NRG1: variants seen among roughly 807,000 people sequenced by gnomAD.
NRG1 encodes pro-neuregulin-1, membrane-bound isoform.
Under a neutral mutation model 63.8 loss-of-function variants are expected in NRG1, and 18 were observed. The observed-to-expected ratio is 0.28, with a 90% CI of 0.19 to 0.42. The LOEUF is 0.42. Ranked by LOEUF, NRG1 falls within the 10% of genes least tolerant of loss-of-function variation. The probability of loss-of-function intolerance (pLI) is 1.00; values close to 1 mark genes in which losing one functional copy is unlikely to be tolerated. For synonymous variants in NRG1, 302 were observed against 301.3 expected (o/e 1.00, Z -0.02); for missense variants, 762 against 814.7 (o/e 0.94, Z 0.79).
intron 1 of NRG1, among the ~76,000 whole-genome samples, chr8:32,082,526 G>GA: frequency 6.6e-6 from 1 of 152,158 alleles, no homozygotes; most frequent in East Asian, 1.9e-4. Context: ...TTCTTGCCAT[G>GA]AAAAACAACA....
intron 1 of NRG1, among the ~76,000 whole-genome samples, chr8:32,550,123 CAG>C (rs1044489444): frequency 2.0e-5 from 3 of 152,158 alleles, no homozygotes; most frequent in Non-Finnish European, 4.4e-5. Flanking sequence ...TTGAGCAAAA[CAG>C]AAATTGAACA....
At chr8:32,561,289 T>C (rs1364290783) in intron 1 of NRG1, among the ~76,000 whole-genome samples, 1 of 152,238 alleles carries the variant, frequency 6.6e-6, no homozygotes, top group African/African-American at 2.4e-5. Flanking sequence ...CATTGAGGAA[T>C]AGCTTAGAGT....
At chr8:32,537,154 C>A (rs1832071272) in intron 1 of NRG1, among the ~76,000 whole-genome samples, 1 of 124,326 alleles carries the variant, frequency 8.0e-6, no homozygotes. Context: ...CCAGATCGCG[C>A]CACTGCATTC....
intron 1 of NRG1, among the ~76,000 whole-genome samples, chr8:32,331,690 A>G (rs1183683469): frequency 6.6e-6 from 1 of 152,198 alleles, no homozygotes; most frequent in Non-Finnish European, 1.5e-5. Flanking sequence ...AACCAAAGGA[A>G]GTGTGAGTAA....
At chr8:32,559,664 T>C (rs1368208161) in intron 1 of NRG1, among the ~76,000 whole-genome samples, 1 of 152,088 alleles carries the variant, frequency 6.6e-6, no homozygotes, top group Non-Finnish European at 1.5e-5. Flanking sequence ...ATAGGTTTTC[T>C]TTTTAAAGAA....
At chr8:32,219,528 C>T (rs1484188614) in intron 1 of NRG1, among the ~76,000 whole-genome samples, 1 of 152,174 alleles carries the variant, frequency 6.6e-6, no homozygotes, top group Non-Finnish European at 1.5e-5. Context: ...TGCCAAAAGC[C>T]ATTTATGAAT....
intron 1 of NRG1, among the ~76,000 whole-genome samples, chr8:31,927,282 G>T (rs1156453802): frequency 6.6e-6 from 1 of 151,958 alleles, no homozygotes; most frequent in Non-Finnish European, 1.5e-5. Context: ...AGACTGTCTT[G>T]TTCTCTAATA....
chr8:32,762,848 G>A (rs1015364545), intron 11 of NRG1, among the ~76,000 whole-genome samples: 5 of 152,308 alleles, frequency 3.3e-5, no homozygotes, highest in Admixed American at 3.3e-4. Context: ...GCATGGTGTG[G>A]TGAAAACAGT....
At chr8:32,096,648 A>G (rs1428847338) in intron 1 of NRG1, among the ~76,000 whole-genome samples, 1 of 152,218 alleles carries the variant, frequency 6.6e-6, no homozygotes, top group African/African-American at 2.4e-5. Flanking sequence ...GAGAGCCCGT[A>G]TGTGCAGAGA....
chr8:31,902,898 T>C (rs1832206591), intron 1 of NRG1, among the ~76,000 whole-genome samples: 2 of 152,216 alleles, frequency 1.3e-5, no homozygotes, highest in Admixed American at 6.5e-5. Flanking sequence ...TTTCGTCCAA[T>C]AGAACGTAAC....
At chr8:32,049,350 C>A (rs2130792188) in intron 1 of NRG1, among the ~76,000 whole-genome samples, 1 of 152,228 alleles carries the variant, frequency 6.6e-6, no homozygotes, top group East Asian at 1.9e-4. Context: ...AGTCCAGTCA[C>A]CTGAGTGTAA....
chr8:32,431,807 C>A lies in NRG1; in HGVS notation c.38-164021C>A, dbSNP rs184937280. Reference sequence around the variant, plus strand: ...AATTTAGAAACAACAGCAATAACAACTTGAGTCGGTGACTTCTGAACCATT... The same window carrying A: ...AATTTAGAAACAACAGCAATAACAAATTGAGTCGGTGACTTCTGAACCATT... On this transcript the variant is annotated intron_variant, in intron 1 of 10. Transcript: ENST00000519301. 6.2e-4 allele frequency among the ~76,000 whole-genome samples: 94 copies of A among 151,944 alleles called. 2 individuals carry two copies. The highest frequency in any genetic ancestry group is 6.0e-3 in the East Asian group (31 of 5,154).
chr8:31,681,062 G>A (rs1431915829), intron 1 of NRG1, among the ~76,000 whole-genome samples: 1 of 151,992 alleles, frequency 6.6e-6, no homozygotes. Context: ...ATAAAGACTT[G>A]ACTCTTAAGA....
chr8:31,740,876 T>C lies in NRG1; in HGVS notation c.37+101445T>C, dbSNP rs181897107. 3.3e-4 allele frequency among the ~76,000 whole-genome samples: 50 copies of C among 152,018 alleles called. No individual in the cohort carries two copies. The East Asian group carries it at 9.5e-3, about 29-fold the overall frequency. On this transcript the variant is annotated intron_variant, in intron 1 of 10. Coordinates refer to the NRG1 transcript ENST00000519301. ...CAGCAATCCCATAATGGGTATATAT[T>C]CAAAAGAAAACAAATCGTTTTACCA...
intron 1 of NRG1, among the ~76,000 whole-genome samples, chr8:32,534,821 T>A (rs1731709230): frequency 6.6e-6 from 1 of 152,156 alleles, no homozygotes; most frequent in Admixed American, 6.5e-5. Context: ...TATATTATTA[T>A]TAATTTTACT....
chr8:31,968,511 C>A (rs1480738732), intron 1 of NRG1, among the ~76,000 whole-genome samples: 1 of 151,930 alleles, frequency 6.6e-6, no homozygotes, highest in Non-Finnish European at 1.5e-5. Context: ...AACCAGAAGC[C>A]CCAAAAGAGC....
intron 1 of NRG1, among the ~76,000 whole-genome samples, chr8:32,097,026 A>G (rs1387028208): frequency 6.6e-6 from 1 of 152,156 alleles, no homozygotes; most frequent in East Asian, 1.9e-4. Context: ...TGCCTTCAGT[A>G]CTATATTTCT....
At chr8:32,131,426 A>G (rs774573708) in intron 1 of NRG1, among the ~76,000 whole-genome samples, 2 of 152,108 alleles carry the variant, frequency 1.3e-5, no homozygotes, top group East Asian at 1.9e-4. Flanking sequence ...TATATTTTTC[A>G]TCTTCATGTT....
chr8:32,071,101 A>G (rs1217516500), intron 1 of NRG1, among the ~76,000 whole-genome samples: 3 of 152,024 alleles, frequency 2.0e-5, no homozygotes. Context: ...CAACCAGCCC[A>G]TCATTCTCTC....
Sources: gnomAD v4.1 joint callset for allele counts (sites outside exome capture counted in the v4.1 genomes callset) on GRCh38, gnomAD v4.1.1 for gene constraint, MANE v1.5 for transcripts, NCBI Gene and HGNC (gene_info 2026-07-23, HGNC 2026-07-21) for gene names.